Variants in ABCA13 observed in about 807,000 individuals in gnomAD.
ABCA13 encodes ATP-binding cassette sub-family A member 13.
A neutral mutation model predicts 478.7 loss-of-function variants in ABCA13; 476 were observed. That is an observed-to-expected ratio of 0.99 (90% CI 0.92 to 1.07). The LOEUF is 1.07. ABCA13 is among the 50% of genes least tolerant of loss of function. The pLI is 0.00. For missense variants in ABCA13, 6,060 were observed against 5,910.6 expected (o/e 1.03, Z -0.83); for synonymous variants, 2,252 against 2,158.9 (o/e 1.04, Z -1.20).
intron 43 of ABCA13, among the ~76,000 whole-genome samples, chr7:48,462,813 C>A (rs921080491): frequency 1.3e-5 from 2 of 152,168 alleles, no homozygotes; most frequent in African/African-American, 4.8e-5. Flanking sequence ...CCTGCCAGTT[C>A]AGGGTAATTT....
chr7:48,353,797 T>C (rs1232268213), intron 31 of ABCA13, among the ~76,000 whole-genome samples: 1 of 151,938 alleles, frequency 6.6e-6, no homozygotes, highest in Non-Finnish European at 1.5e-5. Context: ...GATAGCCTAG[T>C]GTGGTGCGGT....
chr7:48,440,191 A>C (rs994880791), intron 42 of ABCA13, among the ~76,000 whole-genome samples: 1 of 152,198 alleles, frequency 6.6e-6, no homozygotes, highest in African/African-American at 2.4e-5. Context: ...GGATTTTTCC[A>C]TGGTACATAC....
At chr7:48,415,169 A>G (rs17729647) in intron 41 of ABCA13, among the ~76,000 whole-genome samples, 29,558 of 152,084 alleles carry the variant, frequency 0.19, 3,235 homozygotes, top group East Asian at 0.23. Flanking sequence ...TGTGAATAAC[A>G]AGTCCAAATA....
Position 48,594,791 on chromosome 7 carries a change from G to T in ABCA13, c.14722G>T (p.Ala4908Ser). 6.2e-7 allele frequency: 1 copy of T among 1,613,932 alleles called. No homozygotes were observed. The change falls in exon 58 of 62, where the codon GCT (alanine) becomes TCT (serine). Residue 4908 changes from alanine (A) to serine (S), a missense_variant. Coordinates refer to ENST00000435803, the MANE Select transcript of ABCA13 (RefSeq NM_152701.5). ...AATGAAGGAGGTTCGGGAAGGCTGT[G>T]CTGCGGTGCTGACCTCCCACAGGTG... The part of the protein sequence containing the change: ...TIMKEVREGC[A>S]AVLTSHSMEE...
chr7:48,530,029 C>T (rs917092193), intron 55 of ABCA13, among the ~76,000 whole-genome samples: 1 of 152,120 alleles, frequency 6.6e-6, no homozygotes, highest in African/African-American at 2.4e-5. Flanking sequence ...GCAGTGTACA[C>T]AGTACCTAAT....
chr7:48,559,549 A>G (rs574226219), intron 55 of ABCA13, among the ~76,000 whole-genome samples: 1 of 152,198 alleles, frequency 6.6e-6, no homozygotes, highest in South Asian at 2.1e-4. Flanking sequence ...CTGGTACATA[A>G]GATTCAAGAC....
At chr7:48,413,485 T>G (rs17729579) in intron 41 of ABCA13, among the ~76,000 whole-genome samples, 29,677 of 152,176 alleles carry the variant, frequency 0.2, 3,291 homozygotes, top group East Asian at 0.23. Flanking sequence ...CATGCCTTGT[T>G]TGGGGTTCTT....
intron 49 of ABCA13, 82 bp downstream of exon 49, chr7:48,506,472 C>T (rs1831220075): frequency 6.7e-7 from 1 of 1,496,386 alleles, no homozygotes; most frequent in East Asian, 2.3e-5. Context: ...ACTTTGGTCT[C>T]TCTTTTGCAT....
At chr7:48,373,837 A>G (rs540537650) in intron 33 of ABCA13, among the ~76,000 whole-genome samples, 14 of 152,330 alleles carry the variant, frequency 9.2e-5, no homozygotes, top group Admixed American at 7.8e-4. Context: ...TAACTCTGGT[A>G]CACTGTATTT....
intron 48 of ABCA13, among the ~76,000 whole-genome samples, chr7:48,500,535 T>C (rs932283478): frequency 1.3e-5 from 2 of 152,216 alleles, no homozygotes; most frequent in African/African-American, 4.8e-5. Context: ...TTTAAAGATA[T>C]ATTTGCTTGA....
chr7:48,270,000 C>T (rs1562922310), intron 16 of ABCA13, among the ~76,000 whole-genome samples: 1 of 151,964 alleles, frequency 6.6e-6, no homozygotes, highest in Non-Finnish European at 1.5e-5. Context: ...ATTTAATAGC[C>T]CTAGAAAACC....
chr7:48,387,052 A>G (rs2129050490), intron 35 of ABCA13, among the ~76,000 whole-genome samples: 1 of 152,072 alleles, frequency 6.6e-6, no homozygotes, highest in African/African-American at 2.4e-5. Context: ...ATCTCTTTCT[A>G]TTTTTTGATT....
chr7:48,599,848 G>A (rs1790699025), intron 58 of ABCA13, among the ~76,000 whole-genome samples: 1 of 152,144 alleles, frequency 6.6e-6, no homozygotes, highest in Admixed American at 6.5e-5. Context: ...CTTAACATAT[G>A]GTCTATCCTA....
intron 48 of ABCA13, among the ~76,000 whole-genome samples, chr7:48,502,023 A>G (rs1830796311): frequency 6.6e-6 from 1 of 152,210 alleles, no homozygotes; most frequent in South Asian, 2.1e-4. Context: ...ACTTCATGGG[A>G]TTTCATTTTC....
chr7:48,407,286 C>A (rs1026261453), intron 39 of ABCA13, among the ~76,000 whole-genome samples: 1 of 151,786 alleles, frequency 6.6e-6, no homozygotes, highest in Admixed American at 6.6e-5. Flanking sequence ...CCAGCCTGAC[C>A]AACATGGCAA....
intron 59 of ABCA13, among the ~76,000 whole-genome samples, chr7:48,620,669 C>T (rs1222205021): frequency 6.6e-6 from 1 of 152,188 alleles, no homozygotes; most frequent in East Asian, 1.9e-4. Flanking sequence ...AACCTAGTTA[C>T]AATAATAGTT....
intron 45 of ABCA13, among the ~76,000 whole-genome samples, chr7:48,475,869 G>A (rs926259806): frequency 5.3e-5 from 8 of 152,104 alleles, no homozygotes; most frequent in African/African-American, 1.4e-4. Flanking sequence ...AAGCGACACC[G>A]TTAGAAAAGG....
At position 48,376,531 on chromosome 7, in the gene ABCA13, T is replaced by C. The variant is rs1166070427; in HGVS notation, c.11294T>C (p.Leu3765Pro). The C allele has an allele frequency of 2.5e-6, 4 of 1,613,826 alleles. No individual in the cohort carries two copies. The Admixed American group carries it at 6.7e-5, about 27-fold the overall frequency. Residue 3765 changes from leucine to proline, a missense_variant, in exon 35 of 62, where the codon CTT becomes CCT. Leu to Pro is a moderately conservative substitution (Grantham distance 98, BLOSUM62 -3). Coordinates refer to ENST00000435803, the MANE Select transcript of ABCA13 (RefSeq NM_152701.5). ...TGGATGATTCTTTTTGATTCAAGCCTTTATTTTTTGTGTGGATGGTACTTG... is the reference window on the plus strand; with the variant it reads ...TGGATGATTCTTTTTGATTCAAGCCCTTATTTTTTGTGTGGATGGTACTTG... ...VCWMILFDSS[L>P]YFLCGWYLSN...
intron 13 of ABCA13, among the ~76,000 whole-genome samples, chr7:48,247,691 T>C (rs1791911573): frequency 6.6e-6 from 1 of 152,108 alleles, no homozygotes; most frequent in Admixed American, 6.6e-5. Flanking sequence ...CCTCTCAGAC[T>C]CAAGATGTCT....
Sources: gnomAD v4.1 joint callset for allele counts (sites outside exome capture counted in the v4.1 genomes callset) on GRCh38, gnomAD v4.1.1 for gene constraint, MANE v1.5 for transcripts, NCBI Gene and HGNC (gene_info 2026-07-23, HGNC 2026-07-21) for gene names.